PCSK2: variants seen among roughly 807,000 people sequenced by gnomAD.
PCSK2 encodes the protein neuroendocrine convertase 2.
PCSK2 carries 14 observed loss-of-function variants against 69.7 expected under a neutral mutation model. The ratio of observed to expected loss-of-function variants is 0.20; its 90% CI spans 0.13 to 0.31. The LOEUF (loss-of-function observed/expected upper bound fraction) is 0.31. Ranked by LOEUF, PCSK2 falls within the 10% of genes least tolerant of loss-of-function variation. PCSK2 has a pLI of 1.00. For missense variants in PCSK2, 544 were observed against 842.5 expected (o/e 0.65, Z 4.39); for synonymous variants, 307 against 320.7 (o/e 0.96, Z 0.46).
chr20:17,461,243 G>A (rs898284823), intron 10 of PCSK2, among the ~76,000 whole-genome samples: 2 of 152,146 alleles, frequency 1.3e-5, no homozygotes, highest in Non-Finnish European at 1.5e-5. Flanking sequence ...CTTATAGGAC[G>A]TGAGCAAACA....
chr20:17,268,458 T>C (rs751893294), intron 2 of PCSK2, among the ~76,000 whole-genome samples: 5 of 152,034 alleles, frequency 3.3e-5, no homozygotes, highest in Admixed American at 6.6e-5. Flanking sequence ...CATTTAAATA[T>C]AGACCTGAAG....
chr20:17,481,928 A>G lies in PCSK2; in HGVS notation c.1775A>G (p.His592Arg). 6.2e-7 allele frequency: 1 copy of G among 1,613,756 alleles called. No individual in the cohort carries two copies. Among genetic ancestry groups the G allele is most frequent in the Non-Finnish European group, 8.5e-7 (1 of 1,179,992 alleles). Residue 592 changes from histidine (H) to arginine (R), a missense_variant, in exon 12 of 12, where the codon CAT (histidine) becomes CGT (arginine). Around this residue, in one of 3 missense-constraint regions of PCSK2, gnomAD observed 200 missense variants for 287.8 expected, o/e 0.69. Coordinates refer to ENST00000262545, the MANE Select transcript of PCSK2 (RefSeq NM_002594.5). Reference protein sequence around the residue: ...GVLKEWTLMLHGTQSAPYIDQ... With the variant: ...GVLKEWTLMLRGTQSAPYIDQ... ...CTGAAGGAGTGGACCCTGATGCTGC[A>G]TGGCACTCAGAGTGCCCCGTACATC... is the stretch of plus-strand genomic sequence containing the variant.
chr20:17,421,550 C>CTGCA (rs2032126496), intron 6 of PCSK2, among the ~76,000 whole-genome samples: 1 of 152,108 alleles, frequency 6.6e-6, no homozygotes, highest in African/African-American at 2.4e-5. Context: ...GGTGAAAAGA[C>CTGCA]TGCAGCTGGC....
chr20:17,227,823 A>T (rs1985988975), intron 1 of PCSK2, among the ~76,000 whole-genome samples: 1 of 152,192 alleles, frequency 6.6e-6, no homozygotes, highest in Admixed American at 6.5e-5. Flanking sequence ...TGAAGCCCTG[A>T]ACAGCTAAGC....
chr20:17,304,836 A>G (rs1414824879), intron 2 of PCSK2, among the ~76,000 whole-genome samples: 2 of 152,178 alleles, frequency 1.3e-5, no homozygotes, highest in African/African-American at 4.8e-5. Context: ...GTAGGGAGAG[A>G]ATTTTTCAGT....
intron 11 of PCSK2, among the ~76,000 whole-genome samples, chr20:17,469,177 G>A (rs1358396110): frequency 1.3e-5 from 2 of 152,232 alleles, no homozygotes; most frequent in East Asian, 3.8e-4. Context: ...CCTCTTGGCA[G>A]GACAGACTTC....
intron 2 of PCSK2, among the ~76,000 whole-genome samples, chr20:17,326,492 TA>T (rs764353991): frequency 2.6e-5 from 4 of 152,218 alleles, no homozygotes; most frequent in Non-Finnish European, 5.9e-5. Context: ...AATAATAATA[TA>T]TCAACATCGT....
rs544402758 is a variant in PCSK2 at position 17,470,817 on chromosome 20, G to A, written c.1430+5264G>A. Among the ~76,000 whole-genome samples the A allele has an allele frequency of 1.9e-3, 284 of 152,246 alleles. 2 individuals are homozygous for A. The highest frequency in any genetic ancestry group is 3.6e-3 in the Non-Finnish European group (245 of 68,016). On this transcript the variant is annotated intron_variant, in intron 11 of 11. Transcript: ENST00000262545. Reference sequence around the variant, plus strand: ...TTATTGCAAAAGGAGAAAGACTTACGATGTCTGTGCCTTTACAGACACTCT... The same window carrying A: ...TTATTGCAAAAGGAGAAAGACTTACAATGTCTGTGCCTTTACAGACACTCT...
At chr20:17,433,342 A>C (rs1371209174) in intron 7 of PCSK2, among the ~76,000 whole-genome samples, 4 of 152,246 alleles carry the variant, frequency 2.6e-5, no homozygotes, top group African/African-American at 9.6e-5. Context: ...CTGTAAGTAC[A>C]ATGACTAACA....
At chr20:17,481,505 C>T (rs11907226) in intron 11 of PCSK2, 79 bp from the exon 12 acceptor site, 429,318 of 1,386,266 alleles carry the variant, frequency 0.31, 68,087 homozygotes, top group Non-Finnish European at 0.33. Context: ...CCCTTTCCGC[C>T]ACCTGAAGCT....
chr20:17,397,228 A>G (rs1181168137), intron 5 of PCSK2, among the ~76,000 whole-genome samples: 2 of 152,236 alleles, frequency 1.3e-5, no homozygotes, highest in Non-Finnish European at 2.9e-5. Context: ...TTGAAATATA[A>G]GCACATTTTA....
At chr20:17,411,702 G>A (rs1199349221) in intron 6 of PCSK2, among the ~76,000 whole-genome samples, 3 of 152,254 alleles carry the variant, frequency 2.0e-5, no homozygotes, top group Non-Finnish European at 4.4e-5. Context: ...AGAATGGACA[G>A]ACTGCCTCCT....
rs1414705577 is a variant in PCSK2, at chr20:17,484,546, G to A, written c.*2476G>A. ...TTTCAAAAGACATGTTGTAAATTAG[G>A]AGGCTCAACAATAAAACATTATGCT... On this transcript the variant is annotated 3_prime_UTR_variant, in exon 12 of 12. Transcript: ENST00000262545. 1 of 152,218 alleles carries A rather than the reference G, an allele frequency of 6.6e-6. No homozygotes were observed. Among genetic ancestry groups the A allele is most frequent in the East Asian group, 1.9e-4 (1 of 5,182 alleles). 9.4% of individuals were successfully genotyped at this position (152,218 alleles called of 1,614,324 possible).
chr20:17,454,315 C>T, intron 9 of PCSK2, among the ~76,000 whole-genome samples: 1 of 152,210 alleles, frequency 6.6e-6, no homozygotes, highest in East Asian at 1.9e-4. Flanking sequence ...AGGCATCACA[C>T]TGTAACCCTG....
At chr20:17,268,083 A>G (rs6034789) in intron 2 of PCSK2, among the ~76,000 whole-genome samples, 38,323 of 134,248 alleles carry the variant, frequency 0.29, 6,687 homozygotes, top group Middle Eastern at 0.42. Context: ...TATAGCCTCT[A>G]TTATATCTTC....
intron 2 of PCSK2, among the ~76,000 whole-genome samples, chr20:17,274,655 G>A (rs576405055): frequency 6.6e-6 from 1 of 152,212 alleles, no homozygotes; most frequent in South Asian, 2.1e-4. Flanking sequence ...CTCAGAAGTG[G>A]ATCTTTTAGC....
intron 6 of PCSK2, among the ~76,000 whole-genome samples, chr20:17,411,678 G>A (rs913459204): frequency 1.3e-5 from 2 of 152,226 alleles, no homozygotes; most frequent in South Asian, 2.1e-4. Flanking sequence ...TCCCAGCATG[G>A]CATTTGAGCT....
chr20:17,296,351 G>T (rs1462621486), intron 2 of PCSK2, among the ~76,000 whole-genome samples: 2 of 152,210 alleles, frequency 1.3e-5, no homozygotes, highest in Non-Finnish European at 2.9e-5. Context: ...TGAAATATAA[G>T]TTGTTCTTAT....
At chr20:17,268,033 G>GTGTATATATATATA (rs1555783164) in intron 2 of PCSK2, among the ~76,000 whole-genome samples, 3 of 66,338 alleles carry the variant, frequency 4.5e-5, no homozygotes, top group Non-Finnish European at 8.8e-5. Flanking sequence ...TATCCAATGT[G>GTGTATATATATATA]TATATATATA....
Sources: gnomAD v4.1 joint callset for allele counts (sites outside exome capture counted in the v4.1 genomes callset) on GRCh38, gnomAD v4.1.1 for gene constraint, gnomAD v4.1.1 regional missense constraint, MANE v1.5 for transcripts, NCBI Gene and HGNC (gene_info 2026-07-23, HGNC 2026-07-21) for gene names.